The following GHR variants were observed in gnomAD, a reference collection of about 807,000 sequenced individuals.
The protein encoded by GHR is GH receptor.
Under a neutral mutation model 67.1 loss-of-function variants are expected in GHR, and 35 were observed. The observed-to-expected ratio is 0.52, with a 90% CI of 0.40 to 0.69. GHR has a LOEUF of 0.69. GHR is among the 30% of genes least tolerant of loss of function. The pLI is 0.00. For synonymous variants in GHR, 272 were observed against 269.1 expected, an observed-to-expected ratio of 1.01 and a Z score of -0.10; for missense variants, 792 against 764.6, an observed-to-expected ratio of 1.04 and a Z score of -0.42.
intron 4 of GHR, among the ~76,000 whole-genome samples, chr5:42,691,446 AT>A (rs1757418457): frequency 6.6e-6 from 1 of 152,198 alleles, no homozygotes. Flanking sequence ...GTACAGTTAT[AT>A]TTGATTTCTC....
intron 2 of GHR, among the ~76,000 whole-genome samples, chr5:42,591,679 C>G (rs931515945): frequency 6.6e-6 from 1 of 152,116 alleles, no homozygotes; most frequent in Non-Finnish European, 1.5e-5. Context: ...TCAGACTCAG[C>G]ACTTGTCCAC....
intron 1 of GHR, among the ~76,000 whole-genome samples, chr5:42,474,078 A>G (rs1202006149): frequency 1.3e-5 from 2 of 151,086 alleles, no homozygotes; most frequent in African/African-American, 4.9e-5. Context: ...AATCCCAGCT[A>G]CTTGGGAGGC....
chr5:42,489,517 CACAT>C (rs1746023633), intron 1 of GHR, among the ~76,000 whole-genome samples: 1 of 152,176 alleles, frequency 6.6e-6, no homozygotes. Flanking sequence ...CATCCACACA[CACAT>C]AAACTTGTTT....
At chr5:42,705,560 A>T (rs10041108) in intron 6 of GHR, among the ~76,000 whole-genome samples, 115,107 of 152,002 alleles carry the variant, frequency 0.76, 43,965 homozygotes, top group East Asian at 1. Flanking sequence ...CCTTCCACCC[A>T]CTACCCTCCA....
chr5:42,555,440 A>T (rs759429497), intron 1 of GHR, among the ~76,000 whole-genome samples: 27 of 152,090 alleles, frequency 1.8e-4, no homozygotes, highest in Non-Finnish European at 3.1e-4. Flanking sequence ...GTTTGTTCTG[A>T]TTCACTGCTA....
Position 42,709,335 on chromosome 5 carries a change from G to A in GHR, c.619-1872G>A, listed in dbSNP as rs181064806. On this transcript the variant is annotated intron_variant, in intron 6 of 9. Transcript: ENST00000230882. ...TTTTTGTATTTTTAGTAGAGACAGGGTTTCATCATGTTGGCCAGACTGGTC... is the reference window on the plus strand; with the variant it reads ...TTTTTGTATTTTTAGTAGAGACAGGATTTCATCATGTTGGCCAGACTGGTC... 3.2e-3 allele frequency among the ~76,000 whole-genome samples: 488 copies of A among 152,222 alleles called. 1 individual carries two copies. Among genetic ancestry groups the A allele is most frequent in the Non-Finnish European group, 5.0e-3 (339 of 68,010 alleles).
chr5:42,504,260 A>G (rs1746661176), intron 1 of GHR, among the ~76,000 whole-genome samples: 2 of 152,184 alleles, frequency 1.3e-5, no homozygotes, highest in African/African-American at 4.8e-5. Flanking sequence ...GCCCTAGTTC[A>G]GTTTACCTGA....
intron 8 of GHR, among the ~76,000 whole-genome samples, chr5:42,717,369 T>G (rs1222960512): frequency 6.6e-6 from 1 of 152,208 alleles, no homozygotes; most frequent in Non-Finnish European, 1.5e-5. Context: ...AATAGATACA[T>G]GATTTATTCA....
chr5:42,476,886 TTTA>T (rs902554695), intron 1 of GHR, among the ~76,000 whole-genome samples: 4 of 152,170 alleles, frequency 2.6e-5, no homozygotes, highest in Non-Finnish European at 2.9e-5. Flanking sequence ...TTTAAAAAAT[TTTA>T]TTATTATAAT....
At chr5:42,695,536 T>C (rs1757636722) in intron 5 of GHR, among the ~76,000 whole-genome samples, 1 of 152,206 alleles carries the variant, frequency 6.6e-6, no homozygotes, top group Admixed American at 6.5e-5. Flanking sequence ...TCACAAAGCA[T>C]AATCATTCTG....
intron 1 of GHR, among the ~76,000 whole-genome samples, chr5:42,483,491 T>C (rs1389608129): frequency 3.4e-5 from 5 of 148,038 alleles, no homozygotes; most frequent in Admixed American, 1.4e-4. Flanking sequence ...TATTTGGACA[T>C]GTTAAAAAAA....
intron 2 of GHR, among the ~76,000 whole-genome samples, chr5:42,582,534 G>A (rs970779632): frequency 6.6e-6 from 1 of 152,204 alleles, no homozygotes; most frequent in African/African-American, 2.4e-5. Context: ...TCACCTTCCA[G>A]TTGTCTGTGT....
chr5:42,589,293 G>C (rs1238850864), intron 2 of GHR, among the ~76,000 whole-genome samples: 2 of 152,184 alleles, frequency 1.3e-5, no homozygotes, highest in Non-Finnish European at 2.9e-5. Context: ...CTAGGACATA[G>C]CTAATCTGAT....
chr5:42,637,286 CA>C (rs1338306423), intron 3 of GHR, among the ~76,000 whole-genome samples: 1 of 152,084 alleles, frequency 6.6e-6, no homozygotes, highest in Non-Finnish European at 1.5e-5. Flanking sequence ...TTCTAAACAG[CA>C]AAGCAATTAA....
At chr5:42,551,359 C>T (rs537863335) in intron 1 of GHR, among the ~76,000 whole-genome samples, 4 of 152,098 alleles carry the variant, frequency 2.6e-5, no homozygotes, top group Non-Finnish European at 2.9e-5. Context: ...GTCTGGAAGG[C>T]TTCATGGACG....
chr5:42,468,868 A>G (rs1744868497), intron 1 of GHR: 5 of 872,212 alleles, frequency 5.7e-6, no homozygotes, highest in Non-Finnish European at 8.6e-6. Context: ...CCCAGGCATG[A>G]TGGTTGCTCG....
At chr5:42,534,772 C>T (rs1270629866) in intron 1 of GHR, among the ~76,000 whole-genome samples, 1 of 152,042 alleles carries the variant, frequency 6.6e-6, no homozygotes, top group Non-Finnish European at 1.5e-5. Flanking sequence ...TTTACATTCC[C>T]ACCAGCAGTG....
At chr5:42,448,378 G>A (rs969336765) in intron 1 of GHR, among the ~76,000 whole-genome samples, 4 of 151,728 alleles carry the variant, frequency 2.6e-5, no homozygotes, top group Non-Finnish European at 4.4e-5. Flanking sequence ...TGTTTGTTGG[G>A]CATTCGTATA....
intron 2 of GHR, among the ~76,000 whole-genome samples, chr5:42,586,176 TTCCTCC>T (rs934943966): frequency 6.6e-6 from 1 of 151,800 alleles, no homozygotes; most frequent in Admixed American, 6.6e-5. Flanking sequence ...ATGTTTTCCT[TTCCTCC>T]TCCTCCTCCT....
Sources: allele counts gnomAD v4.1 joint callset (sites outside exome capture counted in the v4.1 genomes callset), GRCh38; gene constraint gnomAD v4.1.1; transcripts MANE v1.5; gene names NCBI Gene and HGNC (gene_info 2026-07-23, HGNC 2026-07-21).